Variants in EDA observed in about 807,000 individuals in gnomAD.
The protein encoded by EDA is ectodysplasin A.
EDA carries 2 observed loss-of-function variants against 23.6 expected under a neutral mutation model. The ratio of observed to expected loss-of-function variants is 0.08; its 90% CI spans 0.03 to 0.27. The LOEUF (loss-of-function observed/expected upper bound fraction) is 0.27. Among genes scored for constraint, EDA ranks in the 10% least tolerant of loss-of-function variants. The pLI, the probability that EDA is intolerant of heterozygous loss-of-function variation, is 1.00. For synonymous variants in EDA, 131 were observed against 132.0 expected (o/e 0.99, Z 0.05); for missense variants, 229 against 324.2 (o/e 0.71, Z 2.26).
At chrX:69,739,269 A>T (rs146603129) in intron 1 of EDA, among the ~76,000 whole-genome samples, 1,449 of 111,128 alleles carry the variant, frequency 0.013, 12 homozygotes, top group Non-Finnish European at 0.02. Context: ...ATTTTATCTT[A>T]AAGTATGTTT....
At chrX:69,790,316 AT>A (rs2015365806) in intron 1 of EDA, among the ~76,000 whole-genome samples, 2 of 110,176 alleles carry the variant, frequency 1.8e-5, no homozygotes, top group South Asian at 3.9e-4. Context: ...AGATCTATGT[AT>A]GTCGGGAGAG....
Position 69,616,370 on chromosome X carries a change from G to T in EDA, c.62G>T (p.Gly21Val), listed in dbSNP as rs1931931005. The T allele has an allele frequency of 8.3e-7, 1 of 1,207,169 alleles. No individual in the cohort carries two copies. The highest frequency in any genetic ancestry group is 2.2e-5 in the Admixed American group (1 of 45,964). The change falls in exon 1 of 8, where the codon GGG (glycine) becomes GTG (valine). Residue 21 changes from glycine to valine, a missense_variant. Physicochemically the swap from Gly to Val is moderately radical, Grantham distance 109. Around this residue, in one of 2 missense-constraint regions of EDA, gnomAD observed 54 missense variants for 42.4 expected, o/e 1.27. Coordinates refer to ENST00000374552, the MANE Select transcript of EDA (RefSeq NM_001399.5). The part of the protein sequence containing the change: ...LLPAAAPRER[G>V]SQGCGCGGAP... ...CCTGCAGCAGCGCCGCGGGAGCGAG[G>T]GAGCCAGGGCTGCGGGTGTGGCGGG...
chrX:69,972,532 TA>T (rs2147440630), intron 2 of EDA, among the ~76,000 whole-genome samples: 1 of 111,862 alleles, frequency 8.9e-6, no homozygotes, highest in Non-Finnish European at 1.9e-5. Context: ...ATGTTTGCAG[TA>T]CACTTCAATA....
intron 1 of EDA, among the ~76,000 whole-genome samples, chrX:69,798,121 T>C (rs761934466): frequency 1.8e-5 from 2 of 111,310 alleles, no homozygotes; most frequent in African/African-American, 6.5e-5. Flanking sequence ...GAAGATATAA[T>C]TGAAATACAT....
At chrX:69,930,174 A>G (rs980576962) in intron 1 of EDA, among the ~76,000 whole-genome samples, 1 of 111,827 alleles carries the variant, frequency 8.9e-6, no homozygotes, top group Non-Finnish European at 1.9e-5. Context: ...TAACTAGCAA[A>G]CAGTGAATAG....
At chrX:70,015,379 C>T (rs1176588764) in intron 2 of EDA, among the ~76,000 whole-genome samples, 1 of 111,642 alleles carries the variant, frequency 9.0e-6, no homozygotes, top group Non-Finnish European at 1.9e-5. Flanking sequence ...TTGAGACCAC[C>T]CTGGCCAACA....
chrX:69,856,756 C>T (rs756104884), intron 1 of EDA, among the ~76,000 whole-genome samples: 2 of 108,612 alleles, frequency 1.8e-5, no homozygotes, highest in Admixed American at 2.0e-4. Context: ...TTCTTTGTAG[C>T]TTCTGGACGT....
chrX:69,938,074 G>A (rs2018701089), intron 1 of EDA: 3 of 1,064,864 alleles, frequency 2.8e-6, no homozygotes, highest in Non-Finnish European at 3.8e-6. Flanking sequence ...CTTGATTGAA[G>A]ATTTGTTTCA....
chrX:69,923,820 C>G (rs936835729), intron 1 of EDA, among the ~76,000 whole-genome samples: 5 of 111,685 alleles, frequency 4.5e-5, no homozygotes, highest in African/African-American at 1.6e-4. Flanking sequence ...TCTCCACAGC[C>G]TCGCCATCAT....
intron 1 of EDA, among the ~76,000 whole-genome samples, chrX:69,939,701 C>T (rs5936797): frequency 1.8e-5 from 2 of 110,159 alleles, no homozygotes; most frequent in African/African-American, 6.6e-5. Flanking sequence ...TTCCCTATTG[C>T]GTATGATACT....
chrX:69,671,199 A>G (rs1212900494), intron 1 of EDA, among the ~76,000 whole-genome samples: 2 of 111,793 alleles, frequency 1.8e-5, no homozygotes, highest in Non-Finnish European at 3.8e-5. Context: ...AATGTCTATG[A>G]AGACTGCAGA....
At chrX:69,924,872 C>T (rs993950086) in intron 1 of EDA, among the ~76,000 whole-genome samples, 42 of 111,278 alleles carry the variant, frequency 3.8e-4, no homozygotes, top group Admixed American at 1.9e-4. Flanking sequence ...CTTCAAATCC[C>T]TTGTTAGCTC....
chrX:69,718,227 G>A (rs574729260), intron 1 of EDA, among the ~76,000 whole-genome samples: 3 of 112,033 alleles, frequency 2.7e-5, no homozygotes, highest in Non-Finnish European at 3.8e-5. Context: ...GATCTTCAAC[G>A]TAGACATAGC....
At chrX:69,812,700 T>C (rs757642170) in intron 1 of EDA, among the ~76,000 whole-genome samples, 10 of 111,789 alleles carry the variant, frequency 8.9e-5, no homozygotes, top group Non-Finnish European at 1.5e-4. Flanking sequence ...ATAATACCTT[T>C]ACTAGGTATT....
chrX:69,834,799 T>C, intron 1 of EDA, among the ~76,000 whole-genome samples: 1 of 111,826 alleles, frequency 8.9e-6, no homozygotes, highest in Non-Finnish European at 1.9e-5. Context: ...ATGCAGTTTC[T>C]TCCTAGCATT....
intron 1 of EDA, chrX:69,692,818 G>A (rs1160641304): frequency 9.0e-6 from 1 of 111,675 alleles, no homozygotes; most frequent in Non-Finnish European, 1.9e-5. Flanking sequence ...CTTTGGGTTT[G>A]TGTCCCTGCC....
At chrX:69,947,538 C>T (rs1290801430) in intron 1 of EDA, among the ~76,000 whole-genome samples, 2 of 112,100 alleles carry the variant, frequency 1.8e-5, no homozygotes, top group African/African-American at 6.5e-5. Context: ...TTATGCCACC[C>T]CTGCTTATGG....
intron 1 of EDA, among the ~76,000 whole-genome samples, chrX:69,793,173 G>T (rs1204602894): frequency 9.0e-6 from 1 of 111,612 alleles, no homozygotes; most frequent in Non-Finnish European, 1.9e-5. Context: ...AATTTTGTTA[G>T]CACAACTTTT....
At chrX:70,002,108 A>T (rs1369480618) in intron 2 of EDA, among the ~76,000 whole-genome samples, 2 of 111,825 alleles carry the variant, frequency 1.8e-5, no homozygotes, top group East Asian at 5.6e-4. Context: ...AGTTCCCGGT[A>T]ACAGGAATGC....
Sources: allele counts gnomAD v4.1 joint callset (sites outside exome capture counted in the v4.1 genomes callset), GRCh38; gene constraint gnomAD v4.1.1; regional missense constraint gnomAD v4.1.1; transcripts MANE v1.5; gene names NCBI Gene and HGNC (gene_info 2026-07-23, HGNC 2026-07-21).